Variants in TTLL5 observed in about 807,000 individuals in gnomAD.
TTLL5 encodes tubulin polyglutamylase TTLL5.
A neutral mutation model predicts 168.4 loss-of-function variants in TTLL5; 132 were observed. The observed-to-expected ratio is 0.78, with a 90% CI of 0.68 to 0.91. The LOEUF is 0.91. Among genes scored for constraint, TTLL5 ranks in the 40% least tolerant of loss-of-function variants. The probability of loss-of-function intolerance (pLI) is 0.00; values close to 1 mark genes in which losing one functional copy is unlikely to be tolerated. For synonymous variants in TTLL5, 546 were observed against 558.6 expected, an observed-to-expected ratio of 0.98 and a Z score of 0.32; for missense variants, 1,545 against 1,581.5, an observed-to-expected ratio of 0.98 and a Z score of 0.39.
chr14:75,811,183 G>GTGTGTGTGTGTGTA (rs752399420), intron 27 of TTLL5, among the ~76,000 whole-genome samples: 1 of 121,452 alleles, frequency 8.2e-6, no homozygotes, highest in African/African-American at 2.7e-5. Context: ...GTGTGTGTGT[G>GTGTGTGTGTGTGTA]TGTGTATGTG....
At chr14:75,736,249 A>G (rs1888898934) in intron 15 of TTLL5, among the ~76,000 whole-genome samples, 1 of 151,228 alleles carries the variant, frequency 6.6e-6, no homozygotes, top group African/African-American at 2.4e-5. Context: ...CCCTGCCCCA[A>G]CTCCACTTTA....
At chr14:75,836,080 T>TA (rs1410899798) in intron 28 of TTLL5, among the ~76,000 whole-genome samples, 1 of 152,192 alleles carries the variant, frequency 6.6e-6, no homozygotes, top group East Asian at 1.9e-4. Context: ...ATTGAAGAGA[T>TA]ATGTGCACTC....
At chr14:75,678,869 T>A (rs1262571146) in intron 3 of TTLL5, among the ~76,000 whole-genome samples, 1 of 152,228 alleles carries the variant, frequency 6.6e-6, no homozygotes, top group African/African-American at 2.4e-5. Context: ...TTATAAGCAT[T>A]CTCTGGTAAG....
At chr14:75,699,320 C>T (rs777436358) in intron 7 of TTLL5, 50 bp downstream of exon 7, 2 of 1,480,936 alleles carry the variant, frequency 1.4e-6, no homozygotes, top group African/African-American at 1.4e-5. Context: ...TTCTTTCCTC[C>T]TTCACCCTTT....
At chr14:75,944,333 C>A (rs1323433804) in intron 31 of TTLL5, among the ~76,000 whole-genome samples, 1 of 152,194 alleles carries the variant, frequency 6.6e-6, no homozygotes, top group Non-Finnish European at 1.5e-5. Flanking sequence ...ACCATCCTCT[C>A]AATATTCAAG....
chr14:75,681,108 C>CT (rs1300835103), intron 3 of TTLL5, among the ~76,000 whole-genome samples: 5 of 151,756 alleles, frequency 3.3e-5, no homozygotes, highest in Non-Finnish European at 7.4e-5. Context: ...GTGACATGTG[C>CT]TTTTTTATTA....
intron 31 of TTLL5, among the ~76,000 whole-genome samples, chr14:75,949,228 A>G (rs926413285): frequency 2.1e-4 from 32 of 151,986 alleles, no homozygotes; most frequent in Admixed American, 6.5e-5. Flanking sequence ...TACTGAAAAG[A>G]TATGCTTTAC....
intron 31 of TTLL5, among the ~76,000 whole-genome samples, chr14:75,915,041 A>C (rs372637086): frequency 6.6e-5 from 10 of 152,256 alleles, no homozygotes; most frequent in African/African-American, 2.2e-4. Flanking sequence ...GAATCTCATT[A>C]TAAGGGAACA....
chr14:75,791,225 G>A (rs1299158503), intron 26 of TTLL5, among the ~76,000 whole-genome samples: 1 of 152,002 alleles, frequency 6.6e-6, no homozygotes, highest in African/African-American at 2.4e-5. Context: ...CTATACGTGT[G>A]CCAGCAGATG....
intron 9 of TTLL5, among the ~76,000 whole-genome samples, chr14:75,714,094 T>C (rs768461421): frequency 1.2e-4 from 18 of 152,178 alleles, no homozygotes; most frequent in Admixed American, 2.6e-4. Flanking sequence ...TTTTTGAAGA[T>C]TACAGGCCAG....
intron 27 of TTLL5, among the ~76,000 whole-genome samples, chr14:75,809,228 C>T (rs1424631345): frequency 6.6e-6 from 1 of 152,150 alleles, no homozygotes. Flanking sequence ...AATACCTTCA[C>T]CCTCAATCAG....
chr14:75,714,392 A>G (rs377402729), intron 9 of TTLL5, among the ~76,000 whole-genome samples: 3 of 152,018 alleles, frequency 2.0e-5, no homozygotes, highest in East Asian at 3.9e-4. Flanking sequence ...CTCATTTCTC[A>G]TTTTTAAGAA....
In TTLL5 at chr14:75,690,394, T is replaced by C. The variant is rs560892455; in HGVS notation, c.502+72T>C. 8.6e-6 allele frequency: 13 copies of C among 1,516,504 alleles called. No homozygotes were observed. In the African/African-American group the frequency reaches 1.7e-4, roughly 20 times the overall value. 93.9% of individuals were successfully genotyped at this position (1,516,504 alleles called of 1,614,324 possible). ...GGGAATATTTACCCCAAAAGCCTCCTCAAGGTGTCAACCAATCAGGGCTTT... is the reference window on the plus strand; with the variant it reads ...GGGAATATTTACCCCAAAAGCCTCCCCAAGGTGTCAACCAATCAGGGCTTT... On this transcript the variant is annotated intron_variant, in intron 6 of 31. Transcript: ENST00000298832.
Position 75,870,007 on chromosome 14 carries a change from A to T in TTLL5, c.3522+6145A>T, listed in dbSNP as rs146856881. Among the ~76,000 whole-genome samples, 618 of 151,662 alleles carry T rather than the reference A, an allele frequency of 4.1e-3. 3 individuals carry two copies. The highest frequency in any genetic ancestry group is 0.014 in the East Asian group (71 of 5,138). ...GCTAATTTTTGTATTTTTAGTAGAG[A>T]TGGGGTTTTCACCATAGTGGTGAGG... On this transcript the variant is annotated intron_variant, in intron 29 of 31. Coordinates refer to ENST00000298832, the MANE Select transcript of TTLL5 (RefSeq NM_015072.5).
chr14:75,868,423 G>A (rs1026098209), intron 29 of TTLL5, among the ~76,000 whole-genome samples: 42 of 152,132 alleles, frequency 2.8e-4, no homozygotes, highest in Admixed American at 6.5e-5. Flanking sequence ...GGAGAAAACT[G>A]TGCGTCCTAA....
At chr14:75,785,683 G>A (rs982268357) in intron 26 of TTLL5, among the ~76,000 whole-genome samples, 2 of 152,186 alleles carry the variant, frequency 1.3e-5, no homozygotes, top group African/African-American at 4.8e-5. Context: ...AATTATAAAT[G>A]TAAAAGTTTA....
intron 18 of TTLL5, among the ~76,000 whole-genome samples, chr14:75,756,644 A>G (rs754685509): frequency 4.6e-5 from 7 of 151,798 alleles, no homozygotes; most frequent in Non-Finnish European, 1.0e-4. Flanking sequence ...AGCAGCTGGG[A>G]TTATGGGCCC....
At chr14:75,916,467 C>A (rs1323669596) in intron 31 of TTLL5, among the ~76,000 whole-genome samples, 2 of 152,044 alleles carry the variant, frequency 1.3e-5, no homozygotes, top group Non-Finnish European at 2.9e-5. Context: ...CATAAGGAAA[C>A]CCTGGTTCTA....
chr14:75,893,283 A>G (rs1341843321), intron 30 of TTLL5, among the ~76,000 whole-genome samples: 1 of 152,212 alleles, frequency 6.6e-6, no homozygotes, highest in Non-Finnish European at 1.5e-5. Context: ...TAAAAAATTC[A>G]TTCATGTACC....
Sources: allele counts gnomAD v4.1 joint callset (sites outside exome capture counted in the v4.1 genomes callset), GRCh38; gene constraint gnomAD v4.1.1; transcripts MANE v1.5; gene names NCBI Gene and HGNC (gene_info 2026-07-23, HGNC 2026-07-21).